Variants in PGAP4 observed in about 807,000 individuals in gnomAD.
PGAP4 encodes the protein post-GPI attachment to proteins GalNAc transferase 4.
Under a neutral mutation model 28.2 loss-of-function variants are expected in PGAP4, and 12 were observed. That is an observed-to-expected ratio of 0.42 (90% CI 0.27 to 0.69). The LOEUF (loss-of-function observed/expected upper bound fraction) is 0.69. Among genes scored for constraint, PGAP4 ranks in the 30% least tolerant of loss-of-function variants. The probability of loss-of-function intolerance (pLI) is 0.22; values close to 1 mark genes in which losing one functional copy is unlikely to be tolerated. For synonymous variants in PGAP4, 205 were observed against 211.8 expected, an observed-to-expected ratio of 0.97 and a Z score of 0.28; for missense variants, 425 against 513.5, an observed-to-expected ratio of 0.83 and a Z score of 1.67.
At chr9:101,518,761 G>T (rs1826961445) in intron 2 of PGAP4, among the ~76,000 whole-genome samples, 2 of 152,172 alleles carry the variant, frequency 1.3e-5, no homozygotes, top group African/African-American at 4.8e-5. Context: ...ATTGTGAATT[G>T]TGCTGCTATA....
intron 2 of PGAP4, among the ~76,000 whole-genome samples, chr9:101,513,284 C>T (rs935072339): frequency 1.3e-5 from 2 of 152,112 alleles, no homozygotes; most frequent in African/African-American, 4.8e-5. Flanking sequence ...TGTTATGGTC[C>T]TCTCTGCCCT....
At chr9:101,495,455 A>T (rs151174339) in intron 2 of PGAP4, among the ~76,000 whole-genome samples, 1 of 120,452 alleles carries the variant, frequency 8.3e-6, no homozygotes, top group Admixed American at 1.0e-4. Context: ...TATATTATAT[A>T]TACTTATATT....
At chr9:101,490,504 T>C (rs537249471), upstream of PGAP4, among the ~76,000 whole-genome samples, 1 of 152,348 alleles carries the variant, frequency 6.6e-6, no homozygotes, top group East Asian at 1.9e-4. Flanking sequence ...CCTTTGATCC[T>C]ACAAGATTTA....
intron 2 of PGAP4, among the ~76,000 whole-genome samples, chr9:101,519,911 A>G (rs1279115832): frequency 6.6e-6 from 1 of 152,102 alleles, no homozygotes; most frequent in Admixed American, 6.6e-5. Flanking sequence ...GTGAGAGATG[A>G]GGATCCAGTT....
chr9:101,499,074 G>A (rs1826775709), intron 2 of PGAP4, among the ~76,000 whole-genome samples: 1 of 151,830 alleles, frequency 6.6e-6, no homozygotes, highest in Non-Finnish European at 1.5e-5. Flanking sequence ...GAAAGCAAGA[G>A]TATTCAATCG....
At position 101,513,299 on chromosome 9, in the gene PGAP4, C is replaced by T. The variant is rs140391980; in HGVS notation, c.-165+18049G>A. Among the ~76,000 whole-genome samples the T allele has an allele frequency of 1.0e-3, 152 of 152,238 alleles. 2 individuals are homozygous for T. In the South Asian group the frequency reaches 0.021, roughly 21 times the overall value. ...TGTTATGGTCCTCTCTGCCCTCTAA[C>T]CATCACCTAATCTTGTGATTCTTCC... On this transcript the variant is annotated intron_variant, in intron 2 of 3. Coordinates refer to the PGAP4 transcript ENST00000374851.
At chr9:101,511,580 G>A (rs1386725930) in intron 2 of PGAP4, among the ~76,000 whole-genome samples, 2 of 152,090 alleles carry the variant, frequency 1.3e-5, no homozygotes, top group Non-Finnish European at 2.9e-5. Context: ...CTTCCTTAAG[G>A]GACCTTTGTT....
At chr9:101,477,438 C>T (rs774515851) in intron 1 of PGAP4, among the ~76,000 whole-genome samples, 1 of 151,980 alleles carries the variant, frequency 6.6e-6, no homozygotes, top group East Asian at 1.9e-4. Context: ...CCTAAAGATA[C>T]TTAGTTAGGT....
At chr9:101,504,205 G>GTTTTTTTTTTTTT (rs373740296) in intron 2 of PGAP4, among the ~76,000 whole-genome samples, 1 of 34,548 alleles carries the variant, frequency 2.9e-5, no homozygotes, top group Non-Finnish European at 6.0e-5. Context: ...GTGTGTGTGT[G>GTTTTTTTTTTTTT]TTTGTTTTTT....
At chr9:101,530,825 C>T (rs1827082169) in intron 2 of PGAP4, among the ~76,000 whole-genome samples, 1 of 152,264 alleles carries the variant, frequency 6.6e-6, no homozygotes, top group African/African-American at 2.4e-5. Flanking sequence ...GTCAATTTCG[C>T]TGGGCCACTG....
chr9:101,506,964 C>T (rs1315542398), intron 2 of PGAP4, among the ~76,000 whole-genome samples: 1 of 152,066 alleles, frequency 6.6e-6, no homozygotes, highest in African/African-American at 2.4e-5. Context: ...GGTTCCAAAC[C>T]CTACTCTTTT....
intron 2 of PGAP4, among the ~76,000 whole-genome samples, chr9:101,509,332 G>A (rs1445076434): frequency 6.6e-6 from 1 of 152,130 alleles, no homozygotes; most frequent in Non-Finnish European, 1.5e-5. Context: ...TTTGAATGCT[G>A]CCACTTTATC....
chr9:101,505,063 A>C (rs1276037239), intron 2 of PGAP4, among the ~76,000 whole-genome samples: 2 of 152,112 alleles, frequency 1.3e-5, no homozygotes, highest in African/African-American at 4.8e-5. Flanking sequence ...TTTCCTCCTT[A>C]AGCTTTTATC....
chr9:101,495,081 TA>T (rs1445238817), intron 2 of PGAP4, among the ~76,000 whole-genome samples: 1 of 139,168 alleles, frequency 7.2e-6, no homozygotes, highest in Non-Finnish European at 1.5e-5. Flanking sequence ...TACCATTTAT[TA>T]TTTGACAATG....
intron 2 of PGAP4, among the ~76,000 whole-genome samples, chr9:101,504,759 A>C (rs1826835444): frequency 6.6e-6 from 1 of 152,090 alleles, no homozygotes; most frequent in Non-Finnish European, 1.5e-5. Context: ...ACAAGTTTTC[A>C]GAAATTTGGG....
chr9:101,523,042 GA>G (rs977400463), intron 2 of PGAP4, among the ~76,000 whole-genome samples: 1 of 152,186 alleles, frequency 6.6e-6, no homozygotes, highest in Non-Finnish European at 1.5e-5. Context: ...TGAGGAGGCT[GA>G]AGATAGGACC....
chr9:101,488,610 T>G (rs750154539), upstream of PGAP4, among the ~76,000 whole-genome samples: 1 of 152,244 alleles, frequency 6.6e-6, no homozygotes, highest in Non-Finnish European at 1.5e-5. Context: ...TGGTAGTTAT[T>G]CACTTGTTTA....
chr9:101,511,820 T>C (rs1826900902), intron 2 of PGAP4, among the ~76,000 whole-genome samples: 1 of 152,164 alleles, frequency 6.6e-6, no homozygotes, highest in Admixed American at 6.5e-5. Flanking sequence ...CTACCAAGTA[T>C]GGGTTATCAA....
At chr9:101,488,214 G>A (rs1215247349), upstream of PGAP4, among the ~76,000 whole-genome samples, 2 of 151,868 alleles carry the variant, frequency 1.3e-5, no homozygotes, top group Non-Finnish European at 2.9e-5. Context: ...AATGAGGTGT[G>A]GATCCTTCAC....
Sources: gnomAD v4.1 joint callset for allele counts (sites outside exome capture counted in the v4.1 genomes callset) on GRCh38, gnomAD v4.1.1 for gene constraint, MANE v1.5 for transcripts, NCBI Gene and HGNC (gene_info 2026-07-23, HGNC 2026-07-21) for gene names.